The following MFAP3L variants were observed in gnomAD, a reference collection of about 807,000 sequenced individuals.
MFAP3L encodes the protein microfibril associated protein 3 like, also known as microfibrillar-associated protein 3-like.
In MFAP3L, 5 loss-of-function variants were observed where a neutral mutation model predicts 20.0. The observed-to-expected ratio is 0.25, with a 90% CI of 0.13 to 0.53. The LOEUF (loss-of-function observed/expected upper bound fraction) is 0.53. MFAP3L is among the 20% of genes least tolerant of loss of function. The pLI, the probability that MFAP3L is intolerant of heterozygous loss-of-function variation, is 0.96. For missense variants in MFAP3L, 409 were observed against 527.5 expected (o/e 0.78, Z 2.20); for synonymous variants, 219 against 213.0 (o/e 1.03, Z -0.25).
At chr4:170,022,791 C>CCA (rs1740117972) in intron 1 of MFAP3L, among the ~76,000 whole-genome samples, 5 of 152,106 alleles carry the variant, frequency 3.3e-5, no homozygotes, top group Admixed American at 3.3e-4. Context: ...ATGGGGGTGG[C>CCA]CTCTAGAAGG....
At chr4:170,014,934 T>C (rs1444764508) in intron 1 of MFAP3L, among the ~76,000 whole-genome samples, 1 of 152,200 alleles carries the variant, frequency 6.6e-6, no homozygotes, top group African/African-American at 2.4e-5. Context: ...ATAGTATTAA[T>C]AGTACCCAAC....
chr4:170,002,520 T>A (rs567003629), intron 2 of MFAP3L, among the ~76,000 whole-genome samples: 7 of 152,248 alleles, frequency 4.6e-5, no homozygotes, highest in African/African-American at 1.7e-4. Flanking sequence ...TTCTTTTTTT[T>A]GTTTTTTTCA....
Position 169,989,457 on chromosome 4 carries a change from T to C in MFAP3L, c.*1921A>G, listed in dbSNP as rs1203008298. The C allele has an allele frequency of 6.6e-6, 1 of 152,226 alleles. No individual in the cohort carries two copies. Among genetic ancestry groups the C allele is most frequent in the Non-Finnish European group, 1.5e-5 (1 of 68,036 alleles). 9.4% of individuals were successfully genotyped at this position (152,226 alleles called of 1,614,324 possible). ...AAGTTTGGATGGCAAAAGTATCCAA[T>C]TTCATGGACCCATTTTTTGCTTGTC... On this transcript the variant is annotated 3_prime_UTR_variant, in exon 3 of 3. Transcript: ENST00000361618.
intron 2 of MFAP3L, among the ~76,000 whole-genome samples, chr4:169,996,427 A>G (rs998456393): frequency 2.6e-5 from 4 of 152,134 alleles, no homozygotes; most frequent in Non-Finnish European, 4.4e-5. Context: ...TGACTGCAAT[A>G]AAACATCCAG....
intron 1 of MFAP3L, among the ~76,000 whole-genome samples, chr4:170,015,513 C>A (rs2111049974): frequency 6.6e-6 from 1 of 152,296 alleles, no homozygotes; most frequent in African/African-American, 2.4e-5. Context: ...CGCCACGCAG[C>A]CTGTGAGAAC....
chr4:170,012,647 G>C (rs1360102400), intron 1 of MFAP3L, among the ~76,000 whole-genome samples: 2 of 152,148 alleles, frequency 1.3e-5, no homozygotes, highest in South Asian at 2.1e-4. Context: ...CACAAATTAA[G>C]AGCTATACAG....
intron 2 of MFAP3L, among the ~76,000 whole-genome samples, chr4:170,003,399 A>C (rs1738810643): frequency 6.6e-6 from 1 of 152,166 alleles, no homozygotes; most frequent in Non-Finnish European, 1.5e-5. Flanking sequence ...GCCAAATATA[A>C]CTACCAACTA....
At position 169,992,238 on chromosome 4, in the gene MFAP3L, TG is replaced by T. The variant is rs1199324072; in HGVS notation, c.369del (p.Tyr123Ter). ...CCGTAGATGTTAGAAGCCACACACG[TG>T]TATTTACCTCGGTCTGAGAAGGATA... ...TKVSFSDRGK[Y>X]TCVASNIYGT... On this transcript the variant is annotated frameshift_variant, in exon 3 of 3. Transcript: ENST00000361618. LOFTEE classifies it high-confidence loss of function. The surrounding 1 kb of genome is among the most constrained non-coding windows in gnomAD (Gnocchi z 4.3). The T allele has an allele frequency of 6.2e-7, 1 of 1,614,072 alleles. No individual in the cohort carries two copies. Among genetic ancestry groups the T allele is most frequent in the Non-Finnish European group, 8.5e-7 (1 of 1,180,018 alleles).
chr4:169,995,289 C>T (rs1281739564), intron 2 of MFAP3L, among the ~76,000 whole-genome samples: 4 of 152,142 alleles, frequency 2.6e-5, no homozygotes, highest in Non-Finnish European at 4.4e-5. Context: ...ACTAAGGTCC[C>T]GTAGCCTCCA....
intron 1 of MFAP3L, among the ~76,000 whole-genome samples, chr4:170,008,687 C>T (rs1338605283): frequency 6.6e-6 from 1 of 152,164 alleles, no homozygotes; most frequent in East Asian, 1.9e-4. Context: ...TTCTGCCTTT[C>T]CCTTTCTGTG....
intron 2 of MFAP3L, among the ~76,000 whole-genome samples, chr4:170,002,951 C>T (rs1041460455): frequency 3.3e-5 from 5 of 151,862 alleles, no homozygotes; most frequent in African/African-American, 1.2e-4. Context: ...ATGGACATTT[C>T]CCCCTTCAAA....
chr4:169,990,351 G>A lies in MFAP3L; in HGVS notation c.*1027C>T, dbSNP rs1737570516. On this transcript the variant is annotated 3_prime_UTR_variant, in exon 3 of 3. Coordinates refer to ENST00000361618, the MANE Select transcript of MFAP3L (RefSeq NM_021647.8). ...GTCAGCTATGCAGTTCATAAAAGTGGACCTGGTTATATGTCATCCAACAGC... is the reference window on the plus strand; with the variant it reads ...GTCAGCTATGCAGTTCATAAAAGTGAACCTGGTTATATGTCATCCAACAGC... The A allele has an allele frequency of 6.6e-6, 1 of 152,286 alleles. No individual in the cohort carries two copies. The highest frequency in any genetic ancestry group is 2.4e-5 in the African/African-American group (1 of 41,438). 9.4% of individuals were successfully genotyped at this position (152,286 alleles called of 1,614,324 possible).
At chr4:170,019,638 A>G (rs1739907515) in intron 1 of MFAP3L, among the ~76,000 whole-genome samples, 1 of 152,206 alleles carries the variant, frequency 6.6e-6, no homozygotes, top group Admixed American at 6.5e-5. Flanking sequence ...AATGATTTGA[A>G]TTAGTCTCAG....
rs1048133445 is a variant in MFAP3L, at chr4:169,992,423, A to G, written c.299-114T>C. ...TCTATGAAGAACATCTATGAAGTCT[A>G]TGAACGTCGACTTCACATGCTTACT... On this transcript the variant is annotated intron_variant, in intron 2 of 2. Coordinates refer to ENST00000361618, the MANE Select transcript of MFAP3L (RefSeq NM_021647.8). The surrounding 1 kb of genome is among the most constrained non-coding windows in gnomAD (Gnocchi z 4.3). 2.1e-6 allele frequency: 2 copies of G among 934,286 alleles called. No individual in the cohort carries two copies. Among genetic ancestry groups the G allele is most frequent in the Admixed American group, 5.2e-5 (2 of 38,590 alleles). 57.9% of individuals were successfully genotyped at this position (934,286 alleles called of 1,614,324 possible). A position where few individuals can be genotyped will look rare whatever the true frequency, so the allele number is the denominator to read the frequency against.
chr4:170,012,730 G>T (rs1266446718), intron 1 of MFAP3L, among the ~76,000 whole-genome samples: 2 of 152,208 alleles, frequency 1.3e-5, no homozygotes, highest in Non-Finnish European at 2.9e-5. Context: ...TGAGACTCAG[G>T]AGAGACCTCA....
chr4:170,014,896 G>A (rs1257757837), intron 1 of MFAP3L, among the ~76,000 whole-genome samples: 2 of 152,162 alleles, frequency 1.3e-5, no homozygotes, highest in African/African-American at 4.8e-5. Flanking sequence ...TCATAATAAA[G>A]CTACTCAACT....
chr4:170,004,398 A>G (rs1738894779), intron 2 of MFAP3L, among the ~76,000 whole-genome samples: 1 of 152,222 alleles, frequency 6.6e-6, no homozygotes, highest in Admixed American at 6.5e-5. Context: ...AACGCGATTC[A>G]TAATATGTAA....
intron 2 of MFAP3L, chr4:170,001,881 C>T (rs1738646053): frequency 1.0e-6 from 1 of 976,578 alleles, no homozygotes; most frequent in Non-Finnish European, 1.2e-6. Flanking sequence ...GCAAAGCAAA[C>T]CAGCTGCTGC....
chr4:169,991,094 A>G lies in MFAP3L; in HGVS notation c.*284T>C. On this transcript the variant is annotated 3_prime_UTR_variant, in exon 3 of 3. Transcript: ENST00000361618. This position sits in a 1 kb window ranked among gnomAD's most constrained non-coding sequence, Gnocchi z 4.9. ...GTGTACTCTTTGCCAAGAAGGCATCACCAATTAAGGTATTTGGCAGAGATC... is the reference window on the plus strand; with the variant it reads ...GTGTACTCTTTGCCAAGAAGGCATCGCCAATTAAGGTATTTGGCAGAGATC... 2.2e-6 allele frequency: 1 copy of G among 452,102 alleles called. No homozygotes were observed. The highest frequency in any genetic ancestry group is 3.9e-5 in the Admixed American group (1 of 25,372). 28.0% of individuals were successfully genotyped at this position (452,102 alleles called of 1,614,324 possible).
Sources: gnomAD v4.1 joint callset for allele counts (sites outside exome capture counted in the v4.1 genomes callset) on GRCh38, gnomAD v4.1.1 for gene constraint, Gnocchi (gnomAD v3.1) non-coding constraint, MANE v1.5 for transcripts, NCBI Gene and HGNC (gene_info 2026-07-23, HGNC 2026-07-21) for gene names.